PPFIA2: variants seen among roughly 807,000 people sequenced by gnomAD.
PPFIA2 encodes PPFI scaffold protein A2.
A neutral mutation model predicts 175.5 loss-of-function variants in PPFIA2; 46 were observed. The observed-to-expected ratio is 0.26, with a 90% CI of 0.21 to 0.34. The LOEUF (loss-of-function observed/expected upper bound fraction) is 0.34, where lower values mean the gene tolerates loss of function less well. Among genes scored for constraint, PPFIA2 ranks in the 10% least tolerant of loss-of-function variants. PPFIA2 has a pLI of 1.00. For synonymous variants in PPFIA2, 568 were observed against 511.4 expected, an observed-to-expected ratio of 1.11 and a Z score of -1.49; for missense variants, 1,179 against 1,506.1, an observed-to-expected ratio of 0.78 and a Z score of 3.60.
chr12:81,345,269 A>G (rs1351602170), intron 18 of PPFIA2, among the ~76,000 whole-genome samples: 3 of 152,072 alleles, frequency 2.0e-5, no homozygotes, highest in Non-Finnish European at 2.9e-5. Flanking sequence ...AAAATATACA[A>G]TTGATGACAG....
intron 17 of PPFIA2, 125 bp from the exon 18 acceptor site, chr12:81,347,895 A>T: frequency 7.4e-7 from 1 of 1,357,542 alleles, no homozygotes; most frequent in Non-Finnish European, 9.6e-7. Flanking sequence ...TTTTACATCA[A>T]ATCTAATTTT....
intron 4 of PPFIA2, among the ~76,000 whole-genome samples, chr12:81,472,137 T>C (rs1156344098): frequency 1.3e-5 from 2 of 152,210 alleles, no homozygotes; most frequent in Non-Finnish European, 2.9e-5. Flanking sequence ...TAATATTTAA[T>C]GTCCAGAATA....
At chr12:81,278,138 AT>A (rs1203464128) in intron 27 of PPFIA2, among the ~76,000 whole-genome samples, 2 of 152,234 alleles carry the variant, frequency 1.3e-5, no homozygotes, top group Non-Finnish European at 2.9e-5. Context: ...ACAATTATAC[AT>A]GGAGAAAAGG....
At chr12:81,321,696 A>C (rs971777118) in intron 22 of PPFIA2, among the ~76,000 whole-genome samples, 1 of 152,112 alleles carries the variant, frequency 6.6e-6, no homozygotes, top group Non-Finnish European at 1.5e-5. Context: ...TTGATTTCTA[A>C]TTGACTATTT....
At chr12:81,703,872 A>G (rs771444287) in intron 3 of PPFIA2, among the ~76,000 whole-genome samples, 23 of 152,128 alleles carry the variant, frequency 1.5e-4, no homozygotes, top group Non-Finnish European at 4.4e-5. Context: ...ATTGTTTATT[A>G]ATCCTTCAGA....
At chr12:81,561,048 T>A (rs1045397507) in intron 4 of PPFIA2, among the ~76,000 whole-genome samples, 1 of 152,184 alleles carries the variant, frequency 6.6e-6, no homozygotes, top group Non-Finnish European at 1.5e-5. Flanking sequence ...TAATCTTAGC[T>A]ATTTTATGCA....
intron 4 of PPFIA2, among the ~76,000 whole-genome samples, chr12:81,619,466 T>A (rs1304738718): frequency 6.6e-6 from 1 of 152,208 alleles, no homozygotes; most frequent in East Asian, 1.9e-4. Flanking sequence ...TGAGTAGGAC[T>A]AGTTTATATC....
chr12:81,309,727 C>T (rs1290849206), intron 22 of PPFIA2, among the ~76,000 whole-genome samples: 1 of 152,030 alleles, frequency 6.6e-6, no homozygotes, highest in Non-Finnish European at 1.5e-5. Context: ...TATCTTCAAG[C>T]TTCTCTGAAA....
At chr12:81,647,394 A>G (rs1280974111) in intron 4 of PPFIA2, among the ~76,000 whole-genome samples, 2 of 152,202 alleles carry the variant, frequency 1.3e-5, no homozygotes, top group East Asian at 1.9e-4. Flanking sequence ...CAAATCATAC[A>G]TTCAAAAAGT....
chr12:81,735,686 T>C (rs1403218811), intron 3 of PPFIA2, among the ~76,000 whole-genome samples: 1 of 151,856 alleles, frequency 6.6e-6, no homozygotes, highest in Non-Finnish European at 1.5e-5. Flanking sequence ...TGTTTTCCTA[T>C]TATTTTCTTC....
At chr12:81,696,247 T>C (rs1251738002) in intron 3 of PPFIA2, among the ~76,000 whole-genome samples, 1 of 152,172 alleles carries the variant, frequency 6.6e-6, no homozygotes, top group African/African-American at 2.4e-5. Context: ...GTAGCACAAA[T>C]AGCAATAGTA....
At chr12:81,490,016 A>C (rs2059260509) in intron 4 of PPFIA2, among the ~76,000 whole-genome samples, 1 of 151,752 alleles carries the variant, frequency 6.6e-6, no homozygotes, top group Non-Finnish European at 1.5e-5. Context: ...GTATGTATCC[A>C]CTTAACCCAT....
chr12:81,329,397 T>C (rs2055599503), intron 21 of PPFIA2, among the ~76,000 whole-genome samples: 1 of 152,146 alleles, frequency 6.6e-6, no homozygotes, highest in African/African-American at 2.4e-5. Context: ...TCAGGCATCT[T>C]TACTTTTGTG....
chr12:81,282,303 G>A (rs1335948459), intron 26 of PPFIA2, among the ~76,000 whole-genome samples: 1 of 151,832 alleles, frequency 6.6e-6, no homozygotes, highest in African/African-American at 2.4e-5. Flanking sequence ...CTCTTCTTTT[G>A]TGTGTTCTCA....
At chr12:81,537,586 AG>A (rs1413922647) in intron 4 of PPFIA2, among the ~76,000 whole-genome samples, 1 of 151,816 alleles carries the variant, frequency 6.6e-6, no homozygotes, top group African/African-American at 2.4e-5. Flanking sequence ...CTAATACCTG[AG>A]ATGCCTCCCT....
At chr12:81,613,043 T>G (rs965173020) in intron 4 of PPFIA2, among the ~76,000 whole-genome samples, 4 of 152,222 alleles carry the variant, frequency 2.6e-5, no homozygotes, top group Non-Finnish European at 4.4e-5. Flanking sequence ...AGTTTTGTTT[T>G]TGTTGGTCCT....
chr12:81,652,948 G>A (rs766409833), intron 4 of PPFIA2, among the ~76,000 whole-genome samples: 2 of 151,890 alleles, frequency 1.3e-5, no homozygotes, highest in African/African-American at 2.4e-5. Context: ...CCAGACTTAG[G>A]AGCCATCTTT....
intron 14 of PPFIA2, among the ~76,000 whole-genome samples, chr12:81,365,669 T>A (rs1471550165): frequency 6.6e-6 from 1 of 151,782 alleles, no homozygotes; most frequent in Non-Finnish European, 1.5e-5. Flanking sequence ...GGATTCATCC[T>A]CTACTTAGAA....
chr12:81,497,846 T>C (rs1415815545), intron 4 of PPFIA2, among the ~76,000 whole-genome samples: 1 of 152,102 alleles, frequency 6.6e-6, no homozygotes, highest in Non-Finnish European at 1.5e-5. Flanking sequence ...ACCCTCATAG[T>C]TGTCTTTTTT....
Sources: allele counts gnomAD v4.1 joint callset (sites outside exome capture counted in the v4.1 genomes callset), GRCh38; gene constraint gnomAD v4.1.1; transcripts MANE v1.5; gene names NCBI Gene and HGNC (gene_info 2026-07-23, HGNC 2026-07-21).